The following TLE4 variants were observed in gnomAD, a reference collection of about 807,000 sequenced individuals.
The protein encoded by TLE4 is TLE family member 4, transcriptional corepressor.
Under a neutral mutation model 92.8 loss-of-function variants are expected in TLE4, and 8 were observed. The observed-to-expected ratio is 0.09, with a 90% CI of 0.05 to 0.16. The LOEUF (loss-of-function observed/expected upper bound fraction) is 0.16. Among genes scored for constraint, TLE4 ranks in the 10% least tolerant of loss-of-function variants. The pLI is 1.00. For missense variants in TLE4, 675 were observed against 997.6 expected (o/e 0.68, Z 4.36); for synonymous variants, 371 against 374.1 (o/e 0.99, Z 0.10).
Position 79,652,628 on chromosome 9 carries a change from T to C in TLE4, c.426T>C (p.His142=). The change falls in exon 7 of 20, where the codon CAT becomes CAC. Residue 142 remains histidine (H), a synonymous_variant. Transcript: ENST00000376552. ...QLQAQHLSHG[H]GLPVPLTPHP... is the part of the protein sequence containing the mutation. ...AGGCCCAGCATTTATCACATGGACA[T>C]GGTCTCCCCGTACCTCTGACTCCAC... is the stretch of plus-strand genomic sequence containing the variant. The C allele has an allele frequency of 3.7e-6, 6 of 1,614,158 alleles. No individual in the cohort carries two copies. The highest frequency in any genetic ancestry group is 5.1e-6 in the Non-Finnish European group (6 of 1,180,002).
chr9:79,710,654 T>G (rs2073040607), intron 14 of TLE4, among the ~76,000 whole-genome samples: 1 of 152,174 alleles, frequency 6.6e-6, no homozygotes, highest in African/African-American at 2.4e-5. Context: ...CTGCAAAACT[T>G]TCTGTGGCTT....
rs1171106912 is a variant in TLE4, at chr9:79,592,121, CTTCT to C, written c.252+15950_252+15953del. Among the ~76,000 whole-genome samples, 7 of 149,762 alleles carry C rather than the reference CTTCT, an allele frequency of 4.7e-5. No homozygotes were observed. The South Asian group carries it at 1.3e-3, about 27-fold the overall frequency. Reference sequence around the variant, plus strand: ...TTCTTCTTCTTCTTCTTTCTTCTTTCTTCTTTCTTCTTCTTTCTTCTTTCTTCTT... The same window carrying C: ...TTCTTCTTCTTCTTCTTTCTTCTTTCTTCTTCTTCTTTCTTCTTTCTTCTT... On this transcript the variant is annotated intron_variant, in intron 4 of 19. Transcript: ENST00000376552.
At position 79,693,811 on chromosome 9, in the gene TLE4, A is replaced by G. The variant is rs549308846; in HGVS notation, c.610-10972A>G. The stretch of plus-strand genomic sequence containing the variant: ...TCACTGAGCTAGCATTCTTTTTAAT[A>G]AAATAGTGATTGATCAAATGGCATT... On this transcript the variant is annotated intron_variant, in intron 8 of 19. Coordinates refer to ENST00000376552, the MANE Select transcript of TLE4 (RefSeq NM_007005.6). 3.4e-4 allele frequency among the ~76,000 whole-genome samples: 52 copies of G among 152,342 alleles called. 1 individual carries two copies. The South Asian group carries it at 0.01, about 30-fold the overall frequency.
intron 5 of TLE4, among the ~76,000 whole-genome samples, chr9:79,619,008 T>C (rs1340523531): frequency 6.6e-6 from 1 of 152,188 alleles, no homozygotes; most frequent in African/African-American, 2.4e-5. Flanking sequence ...CCTGAATGCT[T>C]TCTGGTGCAA....
intron 8 of TLE4, among the ~76,000 whole-genome samples, chr9:79,676,946 T>C (rs553883910): frequency 1.3e-5 from 2 of 152,260 alleles, no homozygotes; most frequent in Admixed American, 1.3e-4. Context: ...ATTTCTTTCA[T>C]GTGTTTGAAG....
chr9:79,590,318 A>C (rs192239836), intron 4 of TLE4, among the ~76,000 whole-genome samples: 5 of 152,178 alleles, frequency 3.3e-5, no homozygotes, highest in African/African-American at 1.2e-4. Context: ...CAAAATTCCA[A>C]TGTGTGCTTC....
At chr9:79,624,104 A>G (rs1382056518) in intron 5 of TLE4, among the ~76,000 whole-genome samples, 1 of 151,390 alleles carries the variant, frequency 6.6e-6, no homozygotes, top group South Asian at 2.1e-4. Flanking sequence ...GAAAGCCCTC[A>G]TAGTTCTAAG....
chr9:79,700,704 TTTTAAA>T (rs1933797752), intron 8 of TLE4, among the ~76,000 whole-genome samples: 1 of 152,230 alleles, frequency 6.6e-6, no homozygotes, highest in Admixed American at 6.5e-5. Context: ...ACCCTGTTCT[TTTTAAA>T]TATCCCAGCA....
In TLE4 at chr9:79,722,896, G is replaced by A. The variant is rs1449700563; in HGVS notation, c.2138-63G>A. On this transcript the variant is annotated intron_variant, in intron 18 of 19. Transcript: ENST00000376552. ...TGTTAATAGTTTGGTGTTCTATAAA[G>A]CAAATCTTGGTGTCTGACAGAGTAA... 4.0e-6 allele frequency: 6 copies of A among 1,486,518 alleles called. No homozygotes were observed. The African/African-American group carries it at 7.0e-5, about 17-fold the overall frequency. The allele number at this position is 1,486,518 out of a possible 1,614,324, so 92.1% of individuals were successfully genotyped here. A position where few individuals can be genotyped will look rare whatever the true frequency, so the allele number is the denominator to read the frequency against.
At chr9:79,717,847 C>T (rs911406585) in intron 14 of TLE4, 1 of 401,768 alleles carries the variant, frequency 2.5e-6, no homozygotes, top group East Asian at 7.1e-5. Context: ...CAAGATAGGC[C>T]CAGCTGCCTC....
chr9:79,665,858 T>C (rs540768966), intron 8 of TLE4, among the ~76,000 whole-genome samples: 22 of 152,370 alleles, frequency 1.4e-4, no homozygotes, highest in African/African-American at 4.8e-4. Flanking sequence ...TTTTCTTCTT[T>C]CAAGAGTATT....
At chr9:79,661,878 G>A (rs1170922531) in intron 8 of TLE4, among the ~76,000 whole-genome samples, 2 of 152,048 alleles carry the variant, frequency 1.3e-5, no homozygotes, top group Non-Finnish European at 2.9e-5. Flanking sequence ...AGAAATTCCC[G>A]CTCATTTGTG....
At chr9:79,708,017 C>A in intron 11 of TLE4, 101 bp from the exon 12 acceptor site, 1 of 1,264,734 alleles carries the variant, frequency 7.9e-7, no homozygotes, top group Non-Finnish European at 1.1e-6. Flanking sequence ...AGAACCTCTT[C>A]CATTTCTTTT....
intron 4 of TLE4, among the ~76,000 whole-genome samples, chr9:79,593,846 T>C (rs1250246191): frequency 6.6e-6 from 1 of 152,358 alleles, no homozygotes; most frequent in South Asian, 2.1e-4. Flanking sequence ...ACCTCAGATC[T>C]TTAAAATTAT....
intron 15 of TLE4, 149 bp from the exon 16 acceptor site, chr9:79,719,897 T>TC: frequency 9.6e-7 from 1 of 1,041,940 alleles, no homozygotes; most frequent in Non-Finnish European, 1.3e-6. Context: ...CATGTAATTT[T>TC]CTAGCATTAA....
At chr9:79,678,773 G>A (rs1367510992) in intron 8 of TLE4, among the ~76,000 whole-genome samples, 9 of 113,476 alleles carry the variant, frequency 7.9e-5, no homozygotes, top group Non-Finnish European at 7.2e-5. Context: ...CCTCCCCCCT[G>A]CCCCCACCCT....
intron 8 of TLE4, among the ~76,000 whole-genome samples, chr9:79,684,646 G>C (rs1354510602): frequency 6.6e-6 from 1 of 152,096 alleles, no homozygotes; most frequent in Admixed American, 6.6e-5. Flanking sequence ...CCATTCCTTG[G>C]TGCCAAAAAG....
At chr9:79,615,895 A>T (rs947563633) in intron 5 of TLE4, among the ~76,000 whole-genome samples, 8 of 152,308 alleles carry the variant, frequency 5.3e-5, no homozygotes, top group Non-Finnish European at 1.0e-4. Context: ...TTTGACAAAG[A>T]TATTGCCAAC....
At chr9:79,625,701 A>G (rs144459871) in intron 5 of TLE4, among the ~76,000 whole-genome samples, 70 of 152,150 alleles carry the variant, frequency 4.6e-4, no homozygotes, top group African/African-American at 1.5e-3. Flanking sequence ...CTTTAGGGGA[A>G]CCTGAAATGA....
Sources: allele counts gnomAD v4.1 joint callset (sites outside exome capture counted in the v4.1 genomes callset), GRCh38; gene constraint gnomAD v4.1.1; transcripts MANE v1.5; gene names NCBI Gene and HGNC (gene_info 2026-07-23, HGNC 2026-07-21).